BRWD1: variants seen among roughly 807,000 people sequenced by gnomAD.
The protein encoded by BRWD1 is bromodomain and WD repeat-containing protein 1.
BRWD1 carries 82 observed loss-of-function variants against 251.2 expected under a neutral mutation model. The observed-to-expected ratio is 0.33, with a 90% CI of 0.27 to 0.39. The LOEUF (loss-of-function observed/expected upper bound fraction) is 0.39. Among genes scored for constraint, BRWD1 ranks in the 10% least tolerant of loss-of-function variants. The pLI, the probability that BRWD1 is intolerant of heterozygous loss-of-function variation, is 1.00. For missense variants in BRWD1, 2,233 were observed against 2,711.6 expected, an observed-to-expected ratio of 0.82 and a Z score of 3.92; for synonymous variants, 918 against 902.8, an observed-to-expected ratio of 1.02 and a Z score of -0.30.
intron 27 of BRWD1, 108 bp from the exon 28 acceptor site, chr21:39,225,305 T>A: frequency 1.3e-6 from 1 of 766,222 alleles, no homozygotes; most frequent in South Asian, 1.7e-5. Context: ...AAAAGCACAA[T>A]ACAAAAACAG....
chr21:39,209,684 AAC>A lies in BRWD1; in HGVS notation c.4197+309_4197+310del, dbSNP rs577839530. On this transcript the variant is annotated intron_variant, in intron 36 of 40. Coordinates refer to ENST00000342449, the MANE Select transcript of BRWD1 (RefSeq NM_033656.4). ...CCACTTAAGATCCTTATACATACAA[AAC>A]ACAGAGACTCTTACTCTGTGTATCA... is the stretch of plus-strand genomic sequence containing the variant. 1.6e-3 allele frequency: 305 copies of A among 185,862 alleles called. 4 individuals are homozygous for A. Among genetic ancestry groups the A allele is most frequent in the South Asian group, 0.014 (79 of 5,734 alleles). 11.5% of individuals were successfully genotyped at this position (185,862 alleles called of 1,614,324 possible).
chr21:39,313,670 G>A (rs1407158065), upstream of BRWD1: 2 of 424,802 alleles, frequency 4.7e-6, no homozygotes, highest in Non-Finnish European at 8.0e-6. Flanking sequence ...TAGTTCCTCC[G>A]CGGGAGACGA....
chr21:39,245,878 A>G (rs2034172183), intron 21 of BRWD1, among the ~76,000 whole-genome samples: 1 of 152,178 alleles, frequency 6.6e-6, no homozygotes, highest in Non-Finnish European at 1.5e-5. Context: ...CTGGGATTAC[A>G]GGCATGAGCC....
At chr21:39,276,245 G>C (rs1157224810) in intron 11 of BRWD1, 32 bp from the exon 12 acceptor site, 1 of 1,563,532 alleles carries the variant, frequency 6.4e-7, no homozygotes, top group Admixed American at 1.8e-5. Context: ...ATACAAAAAT[G>C]ATCATCTACA....
chr21:39,296,662 T>C (rs2035969447), intron 5 of BRWD1: 7 of 900,248 alleles, frequency 7.8e-6, no homozygotes, highest in Non-Finnish European at 9.5e-6. Context: ...TAGGTATTTT[T>C]GCCAATTTAC....
rs1332121099 is a variant in BRWD1, at chr21:39,193,803, A to G, written c.*2456T>C. The G allele has an allele frequency of 1.0e-6, 1 of 985,466 alleles. No homozygotes were observed. The highest frequency in any genetic ancestry group is 1.7e-5 in the African/African-American group (1 of 57,224). The allele number at this position is 985,466 out of a possible 1,614,324, so 61.0% of individuals were successfully genotyped here. A position where few individuals can be genotyped will look rare whatever the true frequency, so the allele number is the denominator to read the frequency against. ...TTGCATAACGTAGAAAAAAAAGGCC[A>G]AACATGTTCTAGTGCTCAATGTAAA... On this transcript the variant is annotated 3_prime_UTR_variant, in exon 41 of 41. Coordinates refer to ENST00000342449, the MANE Select transcript of BRWD1 (RefSeq NM_033656.4).
chr21:39,198,174 T>C (rs981651665), intron 40 of BRWD1, among the ~76,000 whole-genome samples: 1 of 152,220 alleles, frequency 6.6e-6, no homozygotes, highest in Non-Finnish European at 1.5e-5. Context: ...AATCCCCATG[T>C]ACCAGGGGTA....
chr21:39,194,191 C>T lies in BRWD1; in HGVS notation c.*2068G>A, dbSNP rs2031695577. On this transcript the variant is annotated 3_prime_UTR_variant, in exon 41 of 41. Coordinates refer to ENST00000342449, the MANE Select transcript of BRWD1 (RefSeq NM_033656.4). ...ATCAGAATAGTTCTATTAATGAAGC[C>T]TAAACTGTCAAAATATTGTTTTATA... 1.0e-6 allele frequency: 1 copy of T among 982,894 alleles called. No individual in the cohort carries two copies. The highest frequency in any genetic ancestry group is 1.2e-6 in the Non-Finnish European group (1 of 827,398). 60.9% of individuals were successfully genotyped at this position (982,894 alleles called of 1,614,324 possible).
intron 15 of BRWD1, among the ~76,000 whole-genome samples, chr21:39,268,385 G>C (rs116122006): frequency 6.8e-6 from 1 of 148,036 alleles, no homozygotes; most frequent in African/African-American, 2.5e-5. Flanking sequence ...AGGTCGCAGC[G>C]ACCCCAGATT....
intron 23 of BRWD1, among the ~76,000 whole-genome samples, chr21:39,233,685 A>C (rs1437727992): frequency 2.6e-5 from 4 of 152,154 alleles, no homozygotes; most frequent in East Asian, 3.8e-4. Flanking sequence ...TTAACTGTCA[A>C]GCCCACTACT....
In BRWD1 at chr21:39,264,283, T is replaced by C. The variant is rs73903904; in HGVS notation, c.1885+177A>G. ...AATGTCGTTCTTATTTAGAGGTAAATGGTACATGAGGTCCAGAAGTTAAAT... is the reference window on the plus strand; with the variant it reads ...AATGTCGTTCTTATTTAGAGGTAAACGGTACATGAGGTCCAGAAGTTAAAT... On this transcript the variant is annotated intron_variant, in intron 17 of 40. Coordinates refer to ENST00000342449, the MANE Select transcript of BRWD1 (RefSeq NM_033656.4). Among the ~76,000 whole-genome samples the C allele has an allele frequency of 1.5e-3, 223 of 152,000 alleles. 1 individual carries two copies. Among genetic ancestry groups the C allele is most frequent in the African/African-American group, 5.1e-3 (211 of 41,440 alleles).
chr21:39,221,979 A>G (rs1006089692), intron 29 of BRWD1, among the ~76,000 whole-genome samples: 1 of 152,176 alleles, frequency 6.6e-6, no homozygotes, highest in African/African-American at 2.4e-5. Flanking sequence ...CAAAGGAAAA[A>G]ATGTTCAGTA....
chr21:39,287,205 GCTT>G (rs1568955087), intron 8 of BRWD1, among the ~76,000 whole-genome samples: 1 of 152,080 alleles, frequency 6.6e-6, no homozygotes, highest in Non-Finnish European at 1.5e-5. Context: ...ATCCTTTACA[GCTT>G]TTTTCTCTCC....
At chr21:39,216,774 T>G in intron 31 of BRWD1, 1 of 325,586 alleles carries the variant, frequency 3.1e-6, no homozygotes, top group Admixed American at 3.6e-5. Context: ...AGACCATTGC[T>G]TACAGAAATA....
At chr21:39,206,054 A>C in intron 37 of BRWD1, 54 bp downstream of exon 37, 3 of 1,518,592 alleles carry the variant, frequency 2.0e-6, no homozygotes, top group Non-Finnish European at 2.7e-6. Flanking sequence ...ACACAGTGAG[A>C]CTCTCTCCAA....
At chr21:39,307,414 C>T (rs9975937) in intron 4 of BRWD1, among the ~76,000 whole-genome samples, 14,681 of 151,912 alleles carry the variant, frequency 0.097, 834 homozygotes, top group East Asian at 0.14. Flanking sequence ...AGAATATGTA[C>T]TTGTATGAAT....
rs1453453078 is a variant in BRWD1 at position 39,207,487 on chromosome 21, C to CACACACACAA, written c.4198-1214_4198-1213insTTGTGTGTGT. ...ACACACACACACACACACACACAAA[C>CACACACACAA]AAAACTCCAAAAACAACAAGTGTTG... On this transcript the variant is annotated intron_variant, in intron 36 of 40. Transcript: ENST00000342449. 1.2e-4 allele frequency among the ~76,000 whole-genome samples: 17 copies of CACACACACAA among 146,576 alleles called. No homozygotes were observed. In the South Asian group the frequency reaches 3.3e-3, roughly 28 times the overall value.
intron 4 of BRWD1, 187 bp downstream of exon 4, chr21:39,312,654 G>A (rs2036530450): frequency 3.3e-5 from 14 of 423,358 alleles, no homozygotes; most frequent in Admixed American, 1.7e-4. Flanking sequence ...ACTGTTTCCT[G>A]CCAAAACAAA....
chr21:39,217,437 A>G, intron 31 of BRWD1: 2 of 208,168 alleles, frequency 9.6e-6, no homozygotes, highest in South Asian at 1.5e-4. Context: ...AGAATATCCA[A>G]GAGATTTCAG....
Sources: gnomAD v4.1 joint callset for allele counts (sites outside exome capture counted in the v4.1 genomes callset) on GRCh38, gnomAD v4.1.1 for gene constraint, MANE v1.5 for transcripts, NCBI Gene and HGNC (gene_info 2026-07-23, HGNC 2026-07-21) for gene names.